The following TMEM181 variants were observed in gnomAD, a reference collection of about 807,000 sequenced individuals.
TMEM181 encodes transmembrane protein 181, also known as G protein-coupled receptor 178.
In TMEM181, 39 loss-of-function variants were observed where a neutral mutation model predicts 71.9. The observed-to-expected ratio is 0.54, with a 90% CI of 0.42 to 0.71. TMEM181 has a LOEUF of 0.71. Among genes scored for constraint, TMEM181 ranks in the 30% least tolerant of loss-of-function variants. The pLI is 0.00. For synonymous variants in TMEM181, 245 were observed against 228.8 expected (o/e 1.07, Z -0.64); for missense variants, 595 against 583.0 (o/e 1.02, Z -0.21).
chr6:158,626,185 G>T (rs62432928), intron 13 of TMEM181, among the ~76,000 whole-genome samples: 4,110 of 152,304 alleles, frequency 0.027, 77 homozygotes, highest in Non-Finnish European at 0.045. Flanking sequence ...GGCGAAGTGG[G>T]CTTGGTCCTG....
At chr6:158,573,381 T>C in intron 1 of TMEM181, 39 bp from the exon 2 acceptor site, 1 of 1,524,924 alleles carries the variant, frequency 6.6e-7, no homozygotes, top group Non-Finnish European at 8.9e-7. Flanking sequence ...CCTCCGGGCC[T>C]TCCCCTGACC....
intron 10 of TMEM181, among the ~76,000 whole-genome samples, chr6:158,614,596 C>G (rs1159339632): frequency 6.6e-6 from 1 of 152,138 alleles, no homozygotes; most frequent in Non-Finnish European, 1.5e-5. Context: ...ATTAACGCAT[C>G]ATTTACATTA....
intron 1 of TMEM181, among the ~76,000 whole-genome samples, 190 bp from the exon 2 acceptor site, chr6:158,573,229 GC>G (rs1294651337): frequency 6.6e-6 from 1 of 152,188 alleles, no homozygotes; most frequent in Non-Finnish European, 1.5e-5. Flanking sequence ...GGAACGCGCA[GC>G]TCCTGAATTG....
intron 1 of TMEM181, among the ~76,000 whole-genome samples, chr6:158,538,249 G>A (rs1447807028): frequency 1.3e-5 from 2 of 150,268 alleles, no homozygotes; most frequent in Admixed American, 6.7e-5. Flanking sequence ...CCACTTCCCT[G>A]GCTCAACCAA....
At chr6:158,601,548 C>T (rs529220036) in intron 6 of TMEM181, among the ~76,000 whole-genome samples, 136 of 152,116 alleles carry the variant, frequency 8.9e-4, no homozygotes, top group Middle Eastern at 6.8e-3. Context: ...ATCACAAGGT[C>T]AGGAGTTCAA....
In TMEM181 at chr6:158,631,881, G is replaced by A; in HGVS notation, c.1421G>A (p.Ser474Asn). ...IRAKYKEESDSD is the reference protein window; with the variant it reads ...IRAKYKEESDND The stretch of plus-strand genomic sequence containing the variant: ...GCCAAGTACAAGGAGGAGTCAGATA[G>A]TGACTGAGCCCCGGCCAGCCCAGCG... Residue 474 changes from serine to asparagine, a missense_variant, in exon 17 of 17, where the codon AGT becomes AAT. Transcript: ENST00000684151. The A allele has an allele frequency of 6.3e-7, 1 of 1,590,638 alleles. No homozygotes were observed. Among genetic ancestry groups the A allele is most frequent in the Non-Finnish European group, 8.6e-7 (1 of 1,168,038 alleles).
At chr6:158,587,407 C>T (rs553233497) in intron 5 of TMEM181, among the ~76,000 whole-genome samples, 215 of 152,274 alleles carry the variant, frequency 1.4e-3, no homozygotes, top group African/African-American at 4.9e-3. Flanking sequence ...TCCTTGTCTA[C>T]GCAGGTCTCT....
intron 1 of TMEM181, among the ~76,000 whole-genome samples, chr6:158,542,266 T>C (rs1415414502): frequency 6.6e-6 from 1 of 152,190 alleles, no homozygotes; most frequent in Non-Finnish European, 1.5e-5. Flanking sequence ...ACGTATAGTA[T>C]TGGGCATTTT....
At chr6:158,583,162 G>A (rs1783571153) in intron 3 of TMEM181, among the ~76,000 whole-genome samples, 1 of 152,130 alleles carries the variant, frequency 6.6e-6, no homozygotes, top group African/African-American at 2.4e-5. Flanking sequence ...GAACCTGGGA[G>A]GCAGAGGTTG....
At chr6:158,583,412 C>T (rs1384781861) in intron 3 of TMEM181, among the ~76,000 whole-genome samples, 1 of 152,078 alleles carries the variant, frequency 6.6e-6, no homozygotes, top group Admixed American at 6.6e-5. Flanking sequence ...TGAAAAATGT[C>T]TGCTTAGAGA....
At chr6:158,615,001 C>T (rs1354461442) in intron 10 of TMEM181, among the ~76,000 whole-genome samples, 1 of 152,150 alleles carries the variant, frequency 6.6e-6, no homozygotes, top group Non-Finnish European at 1.5e-5. Flanking sequence ...GGGTATATAT[C>T]CAGTAATGGG....
intron 6 of TMEM181, among the ~76,000 whole-genome samples, chr6:158,601,261 A>G (rs1784654231): frequency 6.6e-6 from 1 of 152,330 alleles, no homozygotes; most frequent in Admixed American, 6.5e-5. Context: ...TTAAAATGCT[A>G]TGATAGGCCA....
rs151029838 is a variant in TMEM181 at position 158,606,927 on chromosome 6, G to A, written c.574-317G>A. On this transcript the variant is annotated intron_variant, in intron 7 of 16. Transcript: ENST00000684151. ...AGTGGAAGTGGGCCTTGTTTTCCTC[G>A]CCGTGGTGGTGAGAGGGTGGGTCCT... Among the ~76,000 whole-genome samples the A allele has an allele frequency of 9.8e-5, 15 of 152,338 alleles. No individual in the cohort carries two copies. The East Asian group carries it at 2.3e-3, about 24-fold the overall frequency.
intron 10 of TMEM181, among the ~76,000 whole-genome samples, chr6:158,617,442 T>G (rs1057489182): frequency 1.4e-5 from 2 of 147,644 alleles, no homozygotes; most frequent in African/African-American, 4.9e-5. Context: ...GATTCATTGA[T>G]TTTTTTGAAG....
chr6:158,600,458 ATTTTTTTTTTT>A (rs61457107), intron 6 of TMEM181, among the ~76,000 whole-genome samples: 43,742 of 94,178 alleles, frequency 0.46, 9,077 homozygotes, highest in East Asian at 0.78. Context: ...CCTAGGGTTA[ATTTTTTTTTTT>A]TTTTTTTTTT....
At chr6:158,584,288 C>T (rs528865782) in intron 4 of TMEM181, among the ~76,000 whole-genome samples, 189 of 152,302 alleles carry the variant, frequency 1.2e-3, no homozygotes, top group African/African-American at 4.3e-3. Flanking sequence ...TGCATGGTGT[C>T]GGCGCTACAG....
intron 6 of TMEM181, among the ~76,000 whole-genome samples, chr6:158,603,951 C>G (rs1449942201): frequency 2.0e-5 from 3 of 152,178 alleles, no homozygotes; most frequent in Non-Finnish European, 4.4e-5. Flanking sequence ...CTTTTCTGGC[C>G]TTGCTTTTCA....
At position 158,635,257 on chromosome 6, in the gene TMEM181, GAT is replaced by G. The variant is rs1480830370; in HGVS notation, c.*3371_*3372del. ...ACTAAACTTTAAGCCCAAAAGGAGA[GAT>G]AGAGCCATGTGTTCAGTTGTGGACC... On this transcript the variant is annotated 3_prime_UTR_variant, in exon 17 of 17. Transcript: ENST00000684151. 2.0e-5 allele frequency: 3 copies of G among 152,206 alleles called. No individual in the cohort carries two copies. Among genetic ancestry groups the G allele is most frequent in the Admixed American group, 1.3e-4 (2 of 15,276 alleles). 9.4% of individuals were successfully genotyped at this position (152,206 alleles called of 1,614,324 possible).
At chr6:158,589,818 C>T (rs751436803) in intron 6 of TMEM181, 36 bp downstream of exon 6, 5 of 1,396,060 alleles carry the variant, frequency 3.6e-6, no homozygotes, top group Non-Finnish European at 5.1e-6. Context: ...TTCCATGGCT[C>T]ATGTTCTAGT....
Sources: gnomAD v4.1 joint callset for allele counts (sites outside exome capture counted in the v4.1 genomes callset) on GRCh38, gnomAD v4.1.1 for gene constraint, MANE v1.5 for transcripts, NCBI Gene and HGNC (gene_info 2026-07-23, HGNC 2026-07-21) for gene names.